CCDC3: variants seen among roughly 807,000 people sequenced by gnomAD.
The protein encoded by CCDC3 is coiled-coil domain containing 3.
A neutral mutation model predicts 21.4 loss-of-function variants in CCDC3; 24 were observed. That is an observed-to-expected ratio of 1.12 (90% CI 0.81 to 1.58). CCDC3 has a LOEUF of 1.58. Ranked by LOEUF, CCDC3 falls within the 40% of genes most tolerant of loss-of-function variation. The pLI, the probability that CCDC3 is intolerant of heterozygous loss-of-function variation, is 0.00. For synonymous variants in CCDC3, 186 were observed against 166.0 expected (o/e 1.12, Z -0.93); for missense variants, 425 against 360.9 (o/e 1.18, Z -1.44).
intron 4 of CCDC3, among the ~76,000 whole-genome samples, chr10:13,072,921 C>CA (rs1836903599): frequency 7.1e-6 from 1 of 141,210 alleles, no homozygotes; most frequent in Admixed American, 7.8e-5. Context: ...GGCTAGAGTG[C>CA]AGTGGCATGA....
At chr10:12,978,392 A>G (rs1022501009) in intron 2 of CCDC3, among the ~76,000 whole-genome samples, 3 of 152,210 alleles carry the variant, frequency 2.0e-5, no homozygotes, top group Admixed American at 1.3e-4. Context: ...TCAAATGTAC[A>G]TGTTCACAGA....
chr10:13,004,726 G>A (rs192436291), upstream of CCDC3, among the ~76,000 whole-genome samples: 7 of 151,996 alleles, frequency 4.6e-5, no homozygotes, highest in South Asian at 2.1e-4. Flanking sequence ...TAGGCCAGCC[G>A]TGGTAAGAGG....
intron 5 of CCDC3, among the ~76,000 whole-genome samples, chr10:13,047,116 G>A (rs1588404651): frequency 6.6e-6 from 1 of 152,108 alleles, no homozygotes; most frequent in Admixed American, 6.5e-5. Context: ...TCCATTTAGC[G>A]GCAATGGCTC....
intron 4 of CCDC3, among the ~76,000 whole-genome samples, chr10:13,066,426 A>C (rs1836820433): frequency 6.6e-6 from 1 of 152,232 alleles, no homozygotes; most frequent in Non-Finnish European, 1.5e-5. Context: ...TGAATTACAC[A>C]CCACACCTCT....
rs190717544 is a variant in CCDC3 at position 12,924,109 on chromosome 10, A to G, written c.550-25430T>C. Among the ~76,000 whole-genome samples, 18 of 152,366 alleles carry G rather than the reference A, an allele frequency of 1.2e-4. No homozygotes were observed. The East Asian group carries it at 2.5e-3, about 21-fold the overall frequency. ...TCTGCTTTAAGCACCTACTATCATT[A>G]AAATAGTTTATGCAACCTTCTAAAG... is the stretch of plus-strand genomic sequence containing the variant. On this transcript the variant is annotated intron_variant, in intron 2 of 2. Coordinates refer to ENST00000378825, the MANE Select transcript of CCDC3 (RefSeq NM_031455.4).
At chr10:12,998,808 A>T (rs73583889) in intron 1 of CCDC3, among the ~76,000 whole-genome samples, 5,337 of 152,216 alleles carry the variant, frequency 0.035, 104 homozygotes, top group Non-Finnish European at 0.042. Context: ...CTTCTCAAAG[A>T]GTGTTCCTTA....
chr10:13,075,916 A>C (rs1836959226), intron 3 of CCDC3, among the ~76,000 whole-genome samples: 1 of 152,182 alleles, frequency 6.6e-6, no homozygotes, highest in African/African-American at 2.4e-5. Flanking sequence ...AAATAAAAAT[A>C]GCCAGGCATC....
At chr10:12,986,784 A>AC in intron 2 of CCDC3, among the ~76,000 whole-genome samples, 1 of 82,152 alleles carries the variant, frequency 1.2e-5, no homozygotes, top group Admixed American at 1.3e-4. Context: ...AAAAAAAAAA[A>AC]CAAAAAAACA....
intron 2 of CCDC3, among the ~76,000 whole-genome samples, chr10:12,936,392 C>G (rs1044133053): frequency 6.6e-6 from 1 of 152,206 alleles, no homozygotes; most frequent in East Asian, 1.9e-4. Context: ...GGATCTCACT[C>G]TGTTGCCCAG....
At chr10:13,053,722 T>C (rs977481979) in intron 4 of CCDC3, among the ~76,000 whole-genome samples, 9 of 152,202 alleles carry the variant, frequency 5.9e-5, no homozygotes. Context: ...TGATGCTCCA[T>C]TTGTACACTG....
chr10:13,013,687 T>C, intron 5 of CCDC3, among the ~76,000 whole-genome samples: 1 of 152,100 alleles, frequency 6.6e-6, no homozygotes. Flanking sequence ...CAGCATCACC[T>C]TGTGATACTC....
chr10:13,085,446 C>T lies in CCDC3; in HGVS notation c.-502-11346G>A, dbSNP rs531882909. 5.3e-5 allele frequency among the ~76,000 whole-genome samples: 8 copies of T among 152,296 alleles called. No individual in the cohort carries two copies. In the South Asian group the frequency reaches 8.3e-4, roughly 16 times the overall value. Reference sequence around the variant, plus strand: ...GAATTTAACAACGGGAGGTCCTTAGCGATTTTGGACACAGCAGATGGATTT... The same window carrying T: ...GAATTTAACAACGGGAGGTCCTTAGTGATTTTGGACACAGCAGATGGATTT... On this transcript the variant is annotated intron_variant, in intron 3 of 6. Coordinates refer to the CCDC3 transcript ENST00000378839.
At chr10:12,922,612 ACTTC>A (rs1281737678) in intron 2 of CCDC3, among the ~76,000 whole-genome samples, 8 of 150,836 alleles carry the variant, frequency 5.3e-5, no homozygotes, top group Non-Finnish European at 1.2e-4. Context: ...ACCCTTCCTC[ACTTC>A]CTTCCTTCCC....
intron 2 of CCDC3, among the ~76,000 whole-genome samples, chr10:12,960,168 A>ACACAC (rs1554756648): frequency 9.2e-4 from 137 of 148,730 alleles, no homozygotes; most frequent in Non-Finnish European, 1.8e-3. Flanking sequence ...ACACACACAC[A>ACACAC]ACACACACAC....
chr10:12,948,816 C>G (rs1240686050), intron 2 of CCDC3, among the ~76,000 whole-genome samples: 1 of 141,376 alleles, frequency 7.1e-6, no homozygotes, highest in Admixed American at 7.7e-5. Flanking sequence ...ACTGCAAGCT[C>G]CACCTCCCGG....
chr10:12,912,901 G>T (rs796292834), intron 2 of CCDC3, among the ~76,000 whole-genome samples: 1 of 152,114 alleles, frequency 6.6e-6, no homozygotes, highest in African/African-American at 2.4e-5. Context: ...CATCTCTGTC[G>T]AAAATCCATT....
At chr10:13,050,061 A>G (rs1455366856) in intron 4 of CCDC3, 1 of 152,198 alleles carries the variant, frequency 6.6e-6, no homozygotes, top group East Asian at 1.9e-4. Flanking sequence ...TGAAAACCCA[A>G]AAAGTGAAAA....
At position 12,898,454 on chromosome 10, in the gene CCDC3, C is replaced by T. The variant is rs754862603; in HGVS notation, c.775G>A (p.Ala259Thr). The T allele has an allele frequency of 1.4e-4, 233 of 1,610,364 alleles. No individual in the cohort carries two copies. The highest frequency in any genetic ancestry group is 1.9e-4 in the Non-Finnish European group (226 of 1,177,904). ...LAAGALPHIN[A>T]RGPVRPPYLR... Reference sequence around the variant, plus strand: ...TAGGGGGGGCGCACGGGCCCCCGGGCATTGATGTGCGGCAGCGCGCCCGCC... The same window carrying T: ...TAGGGGGGGCGCACGGGCCCCCGGGTATTGATGTGCGGCAGCGCGCCCGCC... The change falls in exon 3 of 3, where the codon GCC becomes ACC. Residue 259 changes from alanine to threonine, a missense_variant. Physicochemically the swap from Ala to Thr is moderately conservative, Grantham distance 58. Coordinates refer to ENST00000378825, the MANE Select transcript of CCDC3 (RefSeq NM_031455.4).
At chr10:13,010,284 AAAAC>A (rs1248258638) in intron 5 of CCDC3, among the ~76,000 whole-genome samples, 1 of 152,150 alleles carries the variant, frequency 6.6e-6, no homozygotes, top group Non-Finnish European at 1.5e-5. Context: ...CAATGATGAG[AAAAC>A]AAACAACCCA....
Sources: allele counts gnomAD v4.1 joint callset (sites outside exome capture counted in the v4.1 genomes callset), GRCh38; gene constraint gnomAD v4.1.1; transcripts MANE v1.5; gene names NCBI Gene and HGNC (gene_info 2026-07-23, HGNC 2026-07-21).